The following DOCK11 variants were observed in gnomAD, a reference collection of about 807,000 sequenced individuals.
DOCK11 encodes dedicator of cytokinesis 11.
DOCK11 carries 70 observed loss-of-function variants against 169.1 expected under a neutral mutation model. The ratio of observed to expected loss-of-function variants is 0.41; its 90% CI spans 0.34 to 0.51. The LOEUF (loss-of-function observed/expected upper bound fraction) is 0.51, where lower values mean the gene tolerates loss of function less well. DOCK11 is among the 20% of genes least tolerant of loss of function. The pLI is 0.10. For missense variants in DOCK11, 1,166 were observed against 1,538.8 expected, an observed-to-expected ratio of 0.76 and a Z score of 4.05; for synonymous variants, 529 against 541.3, an observed-to-expected ratio of 0.98 and a Z score of 0.32.
At chrX:118,585,187 T>C (rs1235859437) in intron 16 of DOCK11, 70 bp downstream of exon 16, 1 of 984,269 alleles carries the variant, frequency 1.0e-6, no homozygotes, top group Non-Finnish European at 1.4e-6. Flanking sequence ...TTCAATATTT[T>C]TCTTGAGGTT....
rs148336487 is a variant in DOCK11 at position 118,612,856 on chromosome X, G to A, written c.3097-1836G>A. Among the ~76,000 whole-genome samples the A allele has an allele frequency of 3.2e-4, 36 of 112,372 alleles. 1 individual carries two copies. Among genetic ancestry groups the A allele is most frequent in the African/African-American group, 1.2e-3 (36 of 30,937 alleles). On this transcript the variant is annotated intron_variant, in intron 28 of 52. Coordinates refer to ENST00000276202, the MANE Select transcript of DOCK11 (RefSeq NM_144658.4). ...TCTGGTGCCAATAATGAAAGGCCTT[G>A]AATGTCAGGTTAAGGAATTTGGACT...
chrX:118,543,026 C>G lies in DOCK11; in HGVS notation c.309+11C>G, dbSNP rs201262940. The G allele has an allele frequency of 1.7e-4, 190 of 1,148,685 alleles. 1 individual carries two copies. The Middle Eastern group carries it at 3.4e-3, about 20-fold the overall frequency. The allele number at this position is 1,148,685 out of a possible 1,213,427, so 94.7% of individuals were successfully genotyped here. A position where few individuals can be genotyped will look rare whatever the true frequency, so the allele number is the denominator to read the frequency against. On this transcript the variant is annotated intron_variant, in intron 3 of 52. Transcript: ENST00000276202. ...TTATTTGTTAAAGAGGTAAGAGGCT[C>G]AAAGGCCACAGAAGAATATTCTTCA...
At chrX:118,624,965 G>A (rs2015066061) in intron 32 of DOCK11, among the ~76,000 whole-genome samples, 1 of 108,056 alleles carries the variant, frequency 9.3e-6, no homozygotes, top group Non-Finnish European at 1.9e-5. Context: ...TCACTGTGCA[G>A]CCCAGGCTGA....
chrX:118,678,495 CAG>C (rs2016663050), intron 48 of DOCK11, among the ~76,000 whole-genome samples: 1 of 110,441 alleles, frequency 9.1e-6, no homozygotes, highest in South Asian at 3.8e-4. Flanking sequence ...TTTTTTTAGA[CAG>C]AGTCTTGCTC....
At chrX:118,609,738 G>T (rs1270573897) in intron 27 of DOCK11, among the ~76,000 whole-genome samples, 1 of 112,179 alleles carries the variant, frequency 8.9e-6, no homozygotes, top group Non-Finnish European at 1.9e-5. Context: ...CATGCACGTG[G>T]AGTGTTACAA....
At chrX:118,507,134 G>T (rs6655478) in intron 1 of DOCK11, among the ~76,000 whole-genome samples, 47,136 of 110,681 alleles carry the variant, frequency 0.43, 7,137 homozygotes, top group Middle Eastern at 0.6. Flanking sequence ...TGCTTTTGCC[G>T]TTTTTGACTT....
chrX:118,681,796 TA>T lies in DOCK11; in HGVS notation c.5963+4del. 8.5e-7 allele frequency: 1 copy of T among 1,183,180 alleles called. No homozygotes were observed. Among genetic ancestry groups the T allele is most frequent in the Non-Finnish European group, 1.1e-6 (1 of 877,629 alleles). On this transcript the variant is annotated splice_donor_region_variant and intron_variant, in intron 51 of 52. Coordinates refer to ENST00000276202, the MANE Select transcript of DOCK11 (RefSeq NM_144658.4). ...GAGTGAGTTGAAAGACATGTTTAGG[TA>T]AGTGTTTTATAGTTTTCAGGTTAGA...
intron 1 of DOCK11, among the ~76,000 whole-genome samples, chrX:118,502,155 G>A (rs760335656): frequency 9.9e-5 from 11 of 111,532 alleles, no homozygotes; most frequent in African/African-American, 1.6e-4. Context: ...CATCTAGACC[G>A]CTTGTCCACT....
At chrX:118,501,473 G>A (rs79399873) in intron 1 of DOCK11, among the ~76,000 whole-genome samples, 1,296 of 112,045 alleles carry the variant, frequency 0.012, 14 homozygotes, top group African/African-American at 0.039. Context: ...GCGACACAGC[G>A]ATACTCCGAC....
chrX:118,641,088 C>A, intron 38 of DOCK11, 102 bp from the exon 39 acceptor site: 1 of 610,469 alleles, frequency 1.6e-6, no homozygotes, highest in Non-Finnish European at 2.7e-6. Context: ...CGCACCCAGC[C>A]GAGCCCCCTT....
intron 6 of DOCK11, among the ~76,000 whole-genome samples, chrX:118,551,815 G>A (rs1057249697): frequency 1.8e-5 from 2 of 111,397 alleles, no homozygotes; most frequent in African/African-American, 3.3e-5. Context: ...AGAAATAAAG[G>A]AATCTGCCCA....
At chrX:118,576,183 C>A (rs2013438706) in intron 12 of DOCK11, among the ~76,000 whole-genome samples, 1 of 111,898 alleles carries the variant, frequency 8.9e-6, no homozygotes, top group South Asian at 3.7e-4. Context: ...CTAGCACATG[C>A]CCTGCCACAT....
At chrX:118,623,727 G>C in intron 31 of DOCK11, among the ~76,000 whole-genome samples, 1 of 113,117 alleles carries the variant, frequency 8.8e-6, no homozygotes, top group Non-Finnish European at 1.9e-5. Flanking sequence ...TAAGAGACCA[G>C]TAATCTTCTA....
chrX:118,624,621 A>T lies in DOCK11; in HGVS notation c.3554A>T (p.Asp1185Val). Reference protein sequence around the residue: ...LENIQRLAGRDTLYSCAAMPN... With the variant: ...LENIQRLAGRVTLYSCAAMPN... Reference sequence around the variant, plus strand: ...AATATACAGCGATTAGCAGGTCGAGATACCTTGTATTCTTGTGCAGCCATG... The same window carrying T: ...AATATACAGCGATTAGCAGGTCGAGTTACCTTGTATTCTTGTGCAGCCATG... The change falls in exon 32 of 53, where the codon GAT (aspartate) becomes GTT (valine). Residue 1185 changes from aspartate to valine, a missense_variant. Asp to Val is a radical substitution (Grantham distance 152). Coordinates refer to ENST00000276202, the MANE Select transcript of DOCK11 (RefSeq NM_144658.4). 8.3e-7 allele frequency: 1 copy of T among 1,204,871 alleles called. No homozygotes were observed. The highest frequency in any genetic ancestry group is 1.1e-6 in the Non-Finnish European group (1 of 889,813).
chrX:118,576,593 G>A (rs1359378794), intron 12 of DOCK11, among the ~76,000 whole-genome samples: 2 of 112,045 alleles, frequency 1.8e-5, no homozygotes, highest in Non-Finnish European at 3.8e-5. Flanking sequence ...GCACAAATAA[G>A]GTGCGTGGTT....
intron 30 of DOCK11, among the ~76,000 whole-genome samples, chrX:118,617,244 C>T (rs2014841337): frequency 9.0e-6 from 1 of 111,564 alleles, no homozygotes; most frequent in African/African-American, 3.3e-5. Flanking sequence ...GTAATCCCAG[C>T]ACTTTGGGAG....
At chrX:118,578,501 C>G in intron 12 of DOCK11, 24 bp from the exon 13 acceptor site, 1 of 1,202,243 alleles carries the variant, frequency 8.3e-7, no homozygotes, top group Non-Finnish European at 1.1e-6. Context: ...ATAAGAAAGT[C>G]TAACGGAAGT....
Position 118,590,250 on chromosome X carries a change from A to G in DOCK11, c.2087A>G (p.Asn696Ser), listed in dbSNP as rs2013944501. 6.6e-6 allele frequency: 8 copies of G among 1,211,101 alleles called. No individual in the cohort carries two copies. Among genetic ancestry groups the G allele is most frequent in the Non-Finnish European group, 8.9e-6 (8 of 895,030 alleles). Residue 696 changes from asparagine to serine, a missense_variant, in exon 19 of 53, where the codon AAT becomes AGT. Physicochemically the swap from Asn to Ser is conservative, Grantham distance 46 (BLOSUM62 1). Coordinates refer to ENST00000276202, the MANE Select transcript of DOCK11 (RefSeq NM_144658.4). ...CCTGCAGGGTCTGTTTTTACCACAA[A>G]TGCTTATGCTGTTGTCTCGCATCAC... ...GKPAGSVFTT[N>S]AYAVVSHHNQ...
intron 45 of DOCK11, among the ~76,000 whole-genome samples, chrX:118,667,563 C>T (rs1271754019): frequency 1.8e-5 from 2 of 110,904 alleles, no homozygotes; most frequent in Non-Finnish European, 3.8e-5. Flanking sequence ...TTCTCTTCCA[C>T]TGATCTATTT....
Sources: gnomAD v4.1 joint callset for allele counts (sites outside exome capture counted in the v4.1 genomes callset) on GRCh38, gnomAD v4.1.1 for gene constraint, MANE v1.5 for transcripts, NCBI Gene and HGNC (gene_info 2026-07-23, HGNC 2026-07-21) for gene names.